INTU: variants seen among roughly 807,000 people sequenced by gnomAD.
The protein encoded by INTU is protein inturned.
INTU carries 68 observed loss-of-function variants against 100.5 expected under a neutral mutation model. That is an observed-to-expected ratio of 0.68 (90% CI 0.56 to 0.83). The LOEUF is 0.83. Ranked by LOEUF, INTU falls within the 40% of genes least tolerant of loss-of-function variation. The pLI is 0.00. For missense variants in INTU, 1,071 were observed against 1,114.7 expected (o/e 0.96, Z 0.56); for synonymous variants, 357 against 395.7 (o/e 0.90, Z 1.16).
intron 12 of INTU, 31 bp from the exon 13 acceptor site, chr4:127,708,540 A>G (rs1381371295): frequency 8.7e-7 from 1 of 1,145,966 alleles, no homozygotes; most frequent in East Asian, 2.4e-5. Flanking sequence ...ATTCTTAGAT[A>G]TAAACTGATC....
chr4:127,664,425 G>A (rs941445546), intron 4 of INTU, among the ~76,000 whole-genome samples: 1 of 151,788 alleles, frequency 6.6e-6, no homozygotes, highest in Non-Finnish European at 1.5e-5. Context: ...TTGGTTTCTT[G>A]TCTGCTTTGC....
rs1459571537 is a variant in INTU at position 127,724,384 on chromosome 4, C to T, written c.*7948C>T. 1 of 143,792 alleles carries T rather than the reference C, an allele frequency of 7.0e-6. No homozygotes were observed. Among genetic ancestry groups the T allele is most frequent in the African/African-American group, 2.6e-5 (1 of 38,298 alleles). The allele number at this position is 143,792 out of a possible 1,614,324, so 8.9% of individuals were successfully genotyped here. A position where few individuals can be genotyped will look rare whatever the true frequency, so the allele number is the denominator to read the frequency against. On this transcript the variant is annotated 3_prime_UTR_variant, in exon 16 of 16. Coordinates refer to ENST00000335251, the MANE Select transcript of INTU (RefSeq NM_015693.4). ...GCAGTGAGCCAAGATCACACCACCG[C>T]ACTTCTGCCTGTGGAACAGAATGAG...
At chr4:127,715,329 G>A (rs983082387) in intron 15 of INTU, among the ~76,000 whole-genome samples, 3 of 152,106 alleles carry the variant, frequency 2.0e-5, no homozygotes, top group Non-Finnish European at 4.4e-5. Context: ...TTGGGAGTAG[G>A]GGTAGTGGAC....
chr4:127,689,640 G>A (rs1161907800), intron 8 of INTU, among the ~76,000 whole-genome samples: 1 of 151,644 alleles, frequency 6.6e-6, no homozygotes, highest in African/African-American at 2.4e-5. Context: ...ACTACGGTGG[G>A]GCAACAGAAT....
At chr4:127,692,260 A>T (rs1206881791) in intron 8 of INTU, among the ~76,000 whole-genome samples, 2 of 148,382 alleles carry the variant, frequency 1.3e-5, no homozygotes, top group African/African-American at 4.9e-5. Context: ...ACCAACATCT[A>T]TTTTTTTTTA....
intron 5 of INTU, among the ~76,000 whole-genome samples, chr4:127,671,902 CAG>C (rs1383809216): frequency 1.3e-5 from 2 of 152,024 alleles, no homozygotes; most frequent in African/African-American, 2.4e-5. Context: ...ACAACTCAAA[CAG>C]AAAGTCAAAT....
At chr4:127,654,389 C>A (rs1043497150) in intron 2 of INTU, among the ~76,000 whole-genome samples, 1 of 152,148 alleles carries the variant, frequency 6.6e-6, no homozygotes, top group Admixed American at 6.5e-5. Flanking sequence ...TTTAGTGCTT[C>A]CTTCAGGAGC....
chr4:127,633,229 A>T, intron 1 of INTU, 49 bp downstream of exon 1: 1 of 1,579,568 alleles, frequency 6.3e-7, no homozygotes, highest in Non-Finnish European at 8.7e-7. Context: ...CAATCCAGAG[A>T]ATATACACGT....
At chr4:127,676,680 CG>C (rs1442587393) in intron 6 of INTU, among the ~76,000 whole-genome samples, 1 of 151,790 alleles carries the variant, frequency 6.6e-6, no homozygotes, top group Non-Finnish European at 1.5e-5. Flanking sequence ...ATGCAGAAGA[CG>C]GGTGATTTCT....
rs1168922596 is a variant in INTU, at chr4:127,705,513, T to C, written c.1567-78T>C. 4.7e-6 allele frequency: 5 copies of C among 1,054,964 alleles called. No homozygotes were observed. In the East Asian group the frequency reaches 9.5e-5, roughly 20 times the overall value. 65.4% of individuals were successfully genotyped at this position (1,054,964 alleles called of 1,614,324 possible). A position where few individuals can be genotyped will look rare whatever the true frequency, so the allele number is the denominator to read the frequency against. ...ATTCTAAACCAACGGAAGAAGTGTC[T>C]ATGAAACTCTTAGAAATATTATGGG... On this transcript the variant is annotated intron_variant, in intron 10 of 15. Transcript: ENST00000335251.
Position 127,725,777 on chromosome 4 carries a change from A to G in INTU, c.*9341A>G, listed in dbSNP as rs1731408827. On this transcript the variant is annotated 3_prime_UTR_variant, in exon 16 of 16. Coordinates refer to ENST00000335251, the MANE Select transcript of INTU (RefSeq NM_015693.4). ...TAAAGAGGCACTGCATTTTTAAGAA[A>G]TAAAATCACACATCTTATTTTTTCA... 1.3e-5 allele frequency: 2 copies of G among 152,230 alleles called. No homozygotes were observed. The highest frequency in any genetic ancestry group is 4.1e-4 in the South Asian group (2 of 4,824). 9.4% of individuals were successfully genotyped at this position (152,230 alleles called of 1,614,324 possible).
intron 6 of INTU, among the ~76,000 whole-genome samples, chr4:127,679,262 A>G (rs1485494166): frequency 6.6e-6 from 1 of 152,340 alleles, no homozygotes; most frequent in Non-Finnish European, 1.5e-5. Flanking sequence ...CCTAACAGAC[A>G]TCTACAGAAC....
rs1201384995 is a variant in INTU at position 127,653,045 on chromosome 4, T to A, written c.683-3591T>A. 4.7e-3 allele frequency among the ~76,000 whole-genome samples: 709 copies of A among 151,828 alleles called. 10 individuals are homozygous for A. Among genetic ancestry groups the A allele is most frequent in the African/African-American group, 0.016 (671 of 41,132 alleles). ...TAGTATTCTCTGATGGTAGTTTGTA[T>A]TTCTGTGGAATCGGTGGTGATATCT... On this transcript the variant is annotated intron_variant, in intron 2 of 15. Coordinates refer to ENST00000335251, the MANE Select transcript of INTU (RefSeq NM_015693.4).
At chr4:127,692,815 C>T (rs1730211529) in intron 8 of INTU, among the ~76,000 whole-genome samples, 1 of 152,022 alleles carries the variant, frequency 6.6e-6, no homozygotes. Context: ...GCTTGCCAAC[C>T]ACCCCAGCAC....
At position 127,717,042 on chromosome 4, in the gene INTU, G is replaced by A. The variant is rs1275167013; in HGVS notation, c.*606G>A. 4 of 152,088 alleles carry A rather than the reference G, an allele frequency of 2.6e-5. No individual in the cohort carries two copies. Among genetic ancestry groups the A allele is most frequent in the Non-Finnish European group, 4.4e-5 (3 of 68,024 alleles). 9.4% of individuals were successfully genotyped at this position (152,088 alleles called of 1,614,324 possible). On this transcript the variant is annotated 3_prime_UTR_variant, in exon 16 of 16. Transcript: ENST00000335251. The stretch of plus-strand genomic sequence containing the variant: ...GTACATGTGCAGGATGTGCAGGTTC[G>A]TTACATAGGTAAACATGTGCCATGG...
In INTU at chr4:127,721,259, G is replaced by C. The variant is rs578170955; in HGVS notation, c.*4823G>C. On this transcript the variant is annotated 3_prime_UTR_variant, in exon 16 of 16. Coordinates refer to ENST00000335251, the MANE Select transcript of INTU (RefSeq NM_015693.4). ...TAGTTCAGCCAGATATGAAATTCTAGGTTGGAAATTCTTTCCTTTAAGAAT... is the reference window on the plus strand; with the variant it reads ...TAGTTCAGCCAGATATGAAATTCTACGTTGGAAATTCTTTCCTTTAAGAAT... 1 of 152,156 alleles carries C rather than the reference G, an allele frequency of 6.6e-6. No individual in the cohort carries two copies. The highest frequency in any genetic ancestry group is 1.5e-5 in the Non-Finnish European group (1 of 68,038). 9.4% of individuals were successfully genotyped at this position (152,156 alleles called of 1,614,324 possible). A position where few individuals can be genotyped will look rare whatever the true frequency, so the allele number is the denominator to read the frequency against.
chr4:127,683,422 T>A (rs978506142), intron 6 of INTU, among the ~76,000 whole-genome samples: 5 of 152,022 alleles, frequency 3.3e-5, no homozygotes, highest in African/African-American at 1.2e-4. Flanking sequence ...GGAAATAGAG[T>A]ATGGAGAGAT....
intron 4 of INTU, among the ~76,000 whole-genome samples, chr4:127,666,583 G>C (rs1027841505): frequency 4.6e-5 from 7 of 152,140 alleles, no homozygotes; most frequent in Non-Finnish European, 2.9e-5. Context: ...CCTCAGGACA[G>C]CCCTGCTTCT....
chr4:127,644,761 T>C (rs1286821060), intron 2 of INTU, among the ~76,000 whole-genome samples: 1 of 152,248 alleles, frequency 6.6e-6, no homozygotes, highest in Non-Finnish European at 1.5e-5. Flanking sequence ...ATATTATTAC[T>C]AAAATTTAAA....
Sources: allele counts gnomAD v4.1 joint callset (sites outside exome capture counted in the v4.1 genomes callset), GRCh38; gene constraint gnomAD v4.1.1; transcripts MANE v1.5; gene names NCBI Gene and HGNC (gene_info 2026-07-23, HGNC 2026-07-21).